ENPP5: variants seen among roughly 807,000 people sequenced by gnomAD.
ENPP5 encodes the protein E-NPP 5.
A neutral mutation model predicts 33.7 loss-of-function variants in ENPP5; 27 were observed. The ratio of observed to expected loss-of-function variants is 0.80; its 90% CI spans 0.59 to 1.11. ENPP5 has a LOEUF of 1.11. ENPP5 is among the 50% of genes least tolerant of loss of function. The pLI, the probability that ENPP5 is intolerant of heterozygous loss-of-function variation, is 0.00. For missense variants in ENPP5, 552 were observed against 579.2 expected, an observed-to-expected ratio of 0.95 and a Z score of 0.48; for synonymous variants, 199 against 200.5, an observed-to-expected ratio of 0.99 and a Z score of 0.06.
chr6:46,168,656 A>G (rs920408718), intron 2 of ENPP5, among the ~76,000 whole-genome samples: 1 of 152,150 alleles, frequency 6.6e-6, no homozygotes, highest in Non-Finnish European at 1.5e-5. Flanking sequence ...AAACTTTTTT[A>G]TAGTCAAATA....
Position 46,161,161 on chromosome 6 carries a change from C to T in ENPP5, c.*165G>A. The T allele has an allele frequency of 1.7e-6, 1 of 589,236 alleles. No homozygotes were observed. The highest frequency in any genetic ancestry group is 3.0e-6 in the Non-Finnish European group (1 of 336,650). The allele number at this position is 589,236 out of a possible 1,614,324, so 36.5% of individuals were successfully genotyped here. ...CCTTTGCAGGTGTAAGTATTTTGGTCCGTGTGTGTGTATGTGTGTGTGTGT... is the reference window on the plus strand; with the variant it reads ...CCTTTGCAGGTGTAAGTATTTTGGTTCGTGTGTGTGTATGTGTGTGTGTGT... On this transcript the variant is annotated 3_prime_UTR_variant, in exon 5 of 5. Transcript: ENST00000371383.
At chr6:46,169,323 T>A (rs1039661905) in intron 2 of ENPP5, among the ~76,000 whole-genome samples, 30 of 152,052 alleles carry the variant, frequency 2.0e-4, no homozygotes, top group African/African-American at 7.2e-4. Context: ...CACCAAAACT[T>A]AGATCAAACC....
intron 4 of ENPP5, among the ~76,000 whole-genome samples, chr6:46,163,381 A>C (rs1398329908): frequency 1.1e-5 from 1 of 88,980 alleles, no homozygotes; most frequent in Non-Finnish European, 2.1e-5. Context: ...CCCACCCCAC[A>C]ACAGTCCCCA....
rs1238864445 is a variant in ENPP5 at position 46,159,270 on chromosome 6, CT to C, written c.*2055del. On this transcript the variant is annotated 3_prime_UTR_variant, in exon 5 of 5. Transcript: ENST00000371383. ...AAATAAGTATCTGTAAGTAAACCAT[CT>C]GATAATCAAATATTTATATATGAAT... 2.6e-5 allele frequency: 4 copies of C among 152,142 alleles called. No homozygotes were observed. Among genetic ancestry groups the C allele is most frequent in the Non-Finnish European group, 5.9e-5 (4 of 68,012 alleles). The allele number at this position is 152,142 out of a possible 1,614,324, so 9.4% of individuals were successfully genotyped here.
In ENPP5 at chr6:46,161,750, C is replaced by T; in HGVS notation, c.1010G>A (p.Gly337Asp). The T allele has an allele frequency of 2.5e-6, 4 of 1,605,078 alleles. No homozygotes were observed. The highest frequency in any genetic ancestry group is 3.4e-6 in the Non-Finnish European group (4 of 1,178,016). The change falls in exon 5 of 5, where the codon GGC becomes GAC. Residue 337 changes from glycine (G) to aspartate (D), a missense_variant. Gly to Asp is a moderately conservative substitution (Grantham distance 94). Coordinates refer to ENST00000371383, the MANE Select transcript of ENPP5 (RefSeq NM_001290072.2). ...LQNKSDDFLL[G>D]NHGYDNALAD... ...TAACGCATTATCGTAACCGTGGTTG[C>T]CTACTGTAAAGAGAAAATATGTGAA...
chr6:46,167,949 G>T lies in ENPP5; in HGVS notation c.314C>A (p.Ser105Tyr), dbSNP rs755437213. The change falls in exon 3 of 5, where the codon TCC (serine) becomes TAC (tyrosine). Residue 105 changes from serine to tyrosine, a missense_variant. Coordinates refer to ENST00000371383, the MANE Select transcript of ENPP5 (RefSeq NM_001290072.2). The stretch of plus-strand genomic sequence containing the variant: ...ATCATAAATATTCATGTGATCCAAG[G>T]AGAAAGATTTGTTCCGAATAGGATC... ...MFDPIRNKSFSLDHMNIYDSK... is the reference protein window; with the variant it reads ...MFDPIRNKSFYLDHMNIYDSK... The T allele has an allele frequency of 1.9e-6, 3 of 1,614,152 alleles. No individual in the cohort carries two copies. The highest frequency in any genetic ancestry group is 2.5e-6 in the Non-Finnish European group (3 of 1,180,030).
At chr6:46,168,804 C>A (rs970498531) in intron 2 of ENPP5, among the ~76,000 whole-genome samples, 5 of 151,626 alleles carry the variant, frequency 3.3e-5, no homozygotes, top group African/African-American at 1.2e-4. Flanking sequence ...ATTTTCAACC[C>A]CTATGTTTGG....
chr6:46,167,773 C>T lies in ENPP5; in HGVS notation c.490G>A (p.Glu164Lys), dbSNP rs1164834660. The T allele has an allele frequency of 6.2e-7, 1 of 1,614,080 alleles. No homozygotes were observed. The highest frequency in any genetic ancestry group is 8.5e-7 in the Non-Finnish European group (1 of 1,180,012). The change falls in exon 3 of 5, where the codon GAA becomes AAA. Residue 164 changes from glutamate (E) to lysine (K), a missense_variant. Transcript: ENST00000371383. The part of the protein sequence containing the change: ...YMPYNESVSF[E>K]DRVAKIIEWF... The stretch of plus-strand genomic sequence containing the variant: ...TCAATAATTTTGGCAACTCTATCTT[C>T]AAATGAAACTGACTCATTGTAAGGC...
At chr6:46,165,328 A>C in intron 4 of ENPP5, 59 bp downstream of exon 4, 2 of 1,290,180 alleles carry the variant, frequency 1.6e-6, no homozygotes, top group African/African-American at 1.5e-5. Flanking sequence ...ATGTATTTAA[A>C]CTGTTGTATT....
chr6:46,162,738 T>A (rs1165783227), intron 4 of ENPP5, among the ~76,000 whole-genome samples: 2 of 152,188 alleles, frequency 1.3e-5, no homozygotes, highest in African/African-American at 4.8e-5. Flanking sequence ...AGGAAAAGCG[T>A]ATCTAAAGAA....
rs1438886101 is a variant in ENPP5 at position 46,161,095 on chromosome 6, T to TGCTACA, written c.*225_*230dup. The TGCTACA allele has an allele frequency of 4.5e-5, 23 of 510,256 alleles. No individual in the cohort carries two copies. The highest frequency in any genetic ancestry group is 7.1e-5 in the Non-Finnish European group (20 of 283,158). 31.6% of individuals were successfully genotyped at this position (510,256 alleles called of 1,614,324 possible). A position where few individuals can be genotyped will look rare whatever the true frequency, so the allele number is the denominator to read the frequency against. On this transcript the variant is annotated 3_prime_UTR_variant, in exon 5 of 5. Coordinates refer to ENST00000371383, the MANE Select transcript of ENPP5 (RefSeq NM_001290072.2). ...TAAAGCAGGATCTTATCTATCCCTA[T>TGCTACA]GCTACAGTGAACAATGGAGACATAC...
rs1042144697 is a variant in ENPP5 at position 46,159,895 on chromosome 6, C to T, written c.*1431G>A. ...TCTTTCTTTTCAGGGCTTCCTCTTT[C>T]CTCTAAGAAGCCACATGTAATACTA... On this transcript the variant is annotated 3_prime_UTR_variant, in exon 5 of 5. Coordinates refer to ENST00000371383, the MANE Select transcript of ENPP5 (RefSeq NM_001290072.2). 4.6e-5 allele frequency: 7 copies of T among 152,152 alleles called. No homozygotes were observed. The highest frequency in any genetic ancestry group is 3.9e-4 in the Admixed American group (6 of 15,278). 9.4% of individuals were successfully genotyped at this position (152,152 alleles called of 1,614,324 possible).
chr6:46,168,592 A>C (rs1364476705), intron 2 of ENPP5, among the ~76,000 whole-genome samples: 1 of 152,222 alleles, frequency 6.6e-6, no homozygotes, highest in Non-Finnish European at 1.5e-5. Context: ...CATCATTTAC[A>C]TAAAACTTTT....
Position 46,161,404 on chromosome 6 carries a change from A to G in ENPP5, c.1356T>C (p.Ile452=). The change falls in exon 5 of 5, where the codon ATT becomes ATC. Residue 452 remains isoleucine, a synonymous_variant. Coordinates refer to ENST00000371383, the MANE Select transcript of ENPP5 (RefSeq NM_001290072.2). ...IIVIVFFVIF[I]KHLIHSQIPA... is the part of the protein sequence containing the mutation. ...GTATTTGACTGTGAATTAAATGCTTAATGAAAATTACAAAAAATACAATCA... is the reference window on the plus strand; with the variant it reads ...GTATTTGACTGTGAATTAAATGCTTGATGAAAATTACAAAAAATACAATCA... 1 of 1,613,730 alleles carries G rather than the reference A, an allele frequency of 6.2e-7. No individual in the cohort carries two copies. The highest frequency in any genetic ancestry group is 8.5e-7 in the Non-Finnish European group (1 of 1,179,702).
At position 46,168,008 on chromosome 6, in the gene ENPP5, T is replaced by C; in HGVS notation, c.255A>G (p.Ala85=). Residue 85 remains alanine (A), a synonymous_variant, in exon 3 of 5, where the codon GCA becomes GCG. Transcript: ENST00000371383. ...NHYTLVTGLF[A]ENHGIVANDM... ...CATTTGCAACAATCCCATGATTCTC[T>C]GCAAAGAGGCCAGTTACCAAAGTAT... is the stretch of plus-strand genomic sequence containing the variant. 6.2e-7 allele frequency: 1 copy of C among 1,614,246 alleles called. No homozygotes were observed. Among genetic ancestry groups the C allele is most frequent in the Non-Finnish European group, 8.5e-7 (1 of 1,180,044 alleles).
chr6:46,169,655 A>G (rs751410491), intron 2 of ENPP5, among the ~76,000 whole-genome samples: 13 of 152,160 alleles, frequency 8.5e-5, no homozygotes, highest in Non-Finnish European at 1.8e-4. Flanking sequence ...CGGCTCCCCA[A>G]AGTGCTGGGA....
intron 4 of ENPP5, among the ~76,000 whole-genome samples, chr6:46,162,298 G>A (rs1224772757): frequency 6.6e-6 from 1 of 152,206 alleles, no homozygotes; most frequent in Non-Finnish European, 1.5e-5. Context: ...AAAGGTCAGA[G>A]TGGAGGAGAG....
At position 46,167,927 on chromosome 6, in the gene ENPP5, A is replaced by G; in HGVS notation, c.336T>C (p.Tyr112=). Residue 112 remains tyrosine, a synonymous_variant, in exon 3 of 5, where the codon TAT becomes TAC. Coordinates refer to ENST00000371383, the MANE Select transcript of ENPP5 (RefSeq NM_001290072.2). ...KSFSLDHMNI[Y]DSKFWEEATP... ...TCGCTTCTTCCCAAAACTTGGAATC[A>G]TAAATATTCATGTGATCCAAGGAGA... 1 of 1,614,240 alleles carries G rather than the reference A, an allele frequency of 6.2e-7. No homozygotes were observed. Among genetic ancestry groups the G allele is most frequent in the Non-Finnish European group, 8.5e-7 (1 of 1,180,042 alleles).
chr6:46,169,999 A>G (rs1764689117), intron 2 of ENPP5, 54 bp downstream of exon 2: 1 of 152,210 alleles, frequency 6.6e-6, no homozygotes, highest in Non-Finnish European at 1.5e-5. Flanking sequence ...AGGAACATTA[A>G]ACACAGTTGC....
Sources: allele counts gnomAD v4.1 joint callset (sites outside exome capture counted in the v4.1 genomes callset), GRCh38; gene constraint gnomAD v4.1.1; transcripts MANE v1.5; gene names NCBI Gene and HGNC (gene_info 2026-07-23, HGNC 2026-07-21).